RANBP17: variants seen among roughly 807,000 people sequenced by gnomAD.
RANBP17 encodes RAN binding protein 17.
In RANBP17, 158 loss-of-function variants were observed where a neutral mutation model predicts 141.2. The observed-to-expected ratio is 1.12, with a 90% CI of 0.98 to 1.28. RANBP17 has a LOEUF of 1.28. RANBP17 is among the 50% of genes most tolerant of loss of function. The pLI is 0.00. For synonymous variants in RANBP17, 430 were observed against 450.0 expected (o/e 0.96, Z 0.56); for missense variants, 1,438 against 1,290.7 (o/e 1.11, Z -1.75).
intron 14 of RANBP17, among the ~76,000 whole-genome samples, chr5:171,108,681 G>A (rs1755015963): frequency 6.6e-6 from 1 of 151,990 alleles, no homozygotes; most frequent in Admixed American, 6.6e-5. Flanking sequence ...AAAAATGCTG[G>A]AATTACATGC....
At chr5:171,238,998 A>G (rs1764706792) in intron 22 of RANBP17, among the ~76,000 whole-genome samples, 1 of 152,182 alleles carries the variant, frequency 6.6e-6, no homozygotes, top group Non-Finnish European at 1.5e-5. Flanking sequence ...GAACTCCCTC[A>G]GGGCAGAGAT....
chr5:170,968,858 G>C, intron 14 of RANBP17: 1 of 331,544 alleles, frequency 3.0e-6, no homozygotes, highest in Non-Finnish European at 5.8e-6. Context: ...CTCATAGTAT[G>C]ATAATTGAAT....
intron 13 of RANBP17, among the ~76,000 whole-genome samples, chr5:170,964,624 A>T (rs1245579427): frequency 6.6e-6 from 1 of 151,784 alleles, no homozygotes; most frequent in Non-Finnish European, 1.5e-5. Flanking sequence ...TTCAATTCCC[A>T]CCTATGAGTG....
At chr5:171,227,996 C>T (rs1763981569) in intron 22 of RANBP17, among the ~76,000 whole-genome samples, 1 of 152,186 alleles carries the variant, frequency 6.6e-6, no homozygotes, top group Non-Finnish European at 1.5e-5. Flanking sequence ...CACCCAGGAG[C>T]TCTGATGGAG....
chr5:171,263,144 G>A (rs1766439665), intron 24 of RANBP17, among the ~76,000 whole-genome samples: 1 of 152,116 alleles, frequency 6.6e-6, no homozygotes, highest in African/African-American at 2.4e-5. Context: ...ATCTACGTCA[G>A]GCATACATAT....
intron 11 of RANBP17, 71 bp from the exon 12 acceptor site, chr5:170,924,286 G>A: frequency 1.0e-6 from 1 of 972,090 alleles, no homozygotes; most frequent in Non-Finnish European, 1.5e-6. Context: ...TATTTAACAT[G>A]AAGTTTATTT....
intron 14 of RANBP17, among the ~76,000 whole-genome samples, chr5:171,062,096 G>A (rs1344889266): frequency 1.7e-4 from 25 of 151,454 alleles, no homozygotes; most frequent in East Asian, 1.4e-3. Context: ...ACACTGATGG[G>A]TCTTGACTCT....
chr5:170,895,456 T>C (rs1561864485), intron 4 of RANBP17, among the ~76,000 whole-genome samples: 1 of 152,162 alleles, frequency 6.6e-6, no homozygotes, highest in Non-Finnish European at 1.5e-5. Context: ...AAACATTATA[T>C]AGATAGTCAT....
intron 11 of RANBP17, among the ~76,000 whole-genome samples, chr5:170,920,360 A>C (rs1168107544): frequency 1.3e-5 from 2 of 152,112 alleles, no homozygotes; most frequent in Non-Finnish European, 2.9e-5. Context: ...TACTCATTCT[A>C]ATAACTATGT....
chr5:171,242,618 A>G lies in RANBP17; in HGVS notation c.2638-64A>G, dbSNP rs139499481. ...TCCAGTATTATAAATGACAATTTTC[A>G]CTGGACTGTAACATGTATTTTTCTT... On this transcript the variant is annotated intron_variant, in intron 23 of 27. Transcript: ENST00000523189. 255 of 1,535,350 alleles carry G rather than the reference A, an allele frequency of 1.7e-4. No individual in the cohort carries two copies. In the African/African-American group the frequency reaches 3.0e-3, roughly 18 times the overall value.
chr5:171,258,117 ATAC>A (rs1197478711), intron 24 of RANBP17, among the ~76,000 whole-genome samples: 2 of 90,294 alleles, frequency 2.2e-5, no homozygotes, highest in East Asian at 4.6e-4. Context: ...AAAAAAAAAA[ATAC>A]ACACACACAC....
chr5:171,277,669 T>TATATA (rs1767604663), intron 25 of RANBP17, among the ~76,000 whole-genome samples: 2 of 31,064 alleles, frequency 6.4e-5, no homozygotes, highest in South Asian at 1.2e-3. Context: ...ATATATATAT[T>TATATA]TATGTCTTAC....
chr5:171,087,156 A>G (rs1426242193), intron 14 of RANBP17, among the ~76,000 whole-genome samples: 1 of 148,352 alleles, frequency 6.7e-6, no homozygotes, highest in Non-Finnish European at 1.5e-5. Flanking sequence ...AGATTCTGGT[A>G]TGTTGTGTCT....
intron 12 of RANBP17, among the ~76,000 whole-genome samples, chr5:170,949,824 T>A (rs6870794): frequency 0.64 from 97,723 of 151,870 alleles, 32,129 homozygotes; most frequent in South Asian, 0.9. Flanking sequence ...CAATCCAAGC[T>A]TCCATCAACT....
chr5:171,078,945 T>C (rs1301322954), intron 14 of RANBP17, among the ~76,000 whole-genome samples: 1 of 152,228 alleles, frequency 6.6e-6, no homozygotes. Context: ...TATCATTTGA[T>C]AAATACATTT....
rs2913872 is a variant in RANBP17, at chr5:171,250,324, T to C, written c.2776+7504T>C. Among the ~76,000 whole-genome samples, 1,137 of 152,168 alleles carry C rather than the reference T, an allele frequency of 7.5e-3. 13 individuals are homozygous for C. Among genetic ancestry groups the C allele is most frequent in the African/African-American group, 0.026 (1,075 of 41,510 alleles). On this transcript the variant is annotated intron_variant, in intron 24 of 27. Transcript: ENST00000523189. ...CATGAAAACACACAAGAGTTTAAAATTCACTAGTAAAGCAATCACACAAAG... is the reference window on the plus strand; with the variant it reads ...CATGAAAACACACAAGAGTTTAAAACTCACTAGTAAAGCAATCACACAAAG...
At chr5:171,153,957 G>T (rs569448242) in intron 14 of RANBP17, among the ~76,000 whole-genome samples, 88 of 151,998 alleles carry the variant, frequency 5.8e-4, no homozygotes, top group African/African-American at 2.1e-3. Flanking sequence ...AACCAAGGAG[G>T]CGGAGGTTGC....
chr5:171,183,066 TA>T, intron 16 of RANBP17, 100 bp from the exon 17 acceptor site: 1 of 633,306 alleles, frequency 1.6e-6, no homozygotes. Flanking sequence ...TATATTTTTT[TA>T]TAAGTAGAAA....
intron 14 of RANBP17, among the ~76,000 whole-genome samples, chr5:170,970,242 T>G (rs1457878417): frequency 1.3e-5 from 2 of 151,884 alleles, no homozygotes; most frequent in Non-Finnish European, 2.9e-5. Flanking sequence ...GTGGGTGTAT[T>G]GTCTGATTCC....
Sources: gnomAD v4.1 joint callset for allele counts (sites outside exome capture counted in the v4.1 genomes callset) on GRCh38, gnomAD v4.1.1 for gene constraint, MANE v1.5 for transcripts, NCBI Gene and HGNC (gene_info 2026-07-23, HGNC 2026-07-21) for gene names.